HYCC2: variants seen among roughly 807,000 people sequenced by gnomAD.
HYCC2 encodes the protein hyccin 2.
At chr2:201,038,034 A>C in the HYCC2 span, among the ~76,000 whole-genome samples, 1 of 152,232 alleles carries the variant, frequency 6.6e-6, no homozygotes, top group African/African-American at 2.4e-5. Context: ...ATGAACTCAA[A>C]CAAATTTACA....
the HYCC2 span, among the ~76,000 whole-genome samples, chr2:200,999,734 T>G: frequency 6.7e-6 from 1 of 148,520 alleles, no homozygotes; most frequent in East Asian, 2.1e-4. Flanking sequence ...TTGCCAGACA[T>G]CTAAGGAACT....
chr2:201,030,665 G>A, the HYCC2 span, among the ~76,000 whole-genome samples: 2 of 149,208 alleles, frequency 1.3e-5, no homozygotes, highest in Middle Eastern at 3.4e-3. Context: ...TGCAACCTCC[G>A]CCTCCTGGGT....
chr2:201,068,525 A>G, the HYCC2 span, among the ~76,000 whole-genome samples: 2 of 151,678 alleles, frequency 1.3e-5, no homozygotes, highest in Admixed American at 1.3e-4. Flanking sequence ...AAATACATCT[A>G]CCCCCTTCAC....
chr2:201,003,015 TAATA>T, the HYCC2 span, among the ~76,000 whole-genome samples: 1 of 152,302 alleles, frequency 6.6e-6, no homozygotes, highest in Admixed American at 6.5e-5. Flanking sequence ...TAAAATGGAA[TAATA>T]ACTCATCATT....
chr2:201,004,050 A>T, the HYCC2 span, among the ~76,000 whole-genome samples: 1 of 152,016 alleles, frequency 6.6e-6, no homozygotes, highest in African/African-American at 2.4e-5. Flanking sequence ...TCCTGACCTC[A>T]GGTGATCCAC....
the HYCC2 span, among the ~76,000 whole-genome samples, chr2:201,062,315 T>A: frequency 6.6e-6 from 1 of 151,746 alleles, no homozygotes; most frequent in African/African-American, 2.4e-5. Flanking sequence ...GGTCAGGAAT[T>A]CAAGACCAGC....
chr2:201,022,660 T>C, the HYCC2 span: 11 of 440,320 alleles, frequency 2.5e-5, no homozygotes, highest in South Asian at 4.9e-4. Context: ...CATTTCAAAA[T>C]ATGGAAAGGC....
the HYCC2 span, among the ~76,000 whole-genome samples, chr2:201,025,928 G>C: frequency 7.3e-3 from 1,113 of 152,148 alleles, 45 homozygotes; most frequent in Admixed American, 0.062. Context: ...AGCTGGGTGC[G>C]CTAATATCAT....
chr2:201,046,449 A>G, the HYCC2 span, among the ~76,000 whole-genome samples: 2 of 152,122 alleles, frequency 1.3e-5, no homozygotes, highest in Admixed American at 1.3e-4. Context: ...GAAAAGGGCT[A>G]AGGGAGTATC....
At chr2:200,992,401 CA>C in the HYCC2 span, 1 of 1,348,878 alleles carries the variant, frequency 7.4e-7, no homozygotes, top group South Asian at 1.2e-5. Flanking sequence ...TACTCTTGAG[CA>C]AATATCTAAT....
chr2:201,021,004 T>A, the HYCC2 span, among the ~76,000 whole-genome samples: 14,009 of 152,088 alleles, frequency 0.092, 892 homozygotes, highest in Non-Finnish European at 0.14. Context: ...CTTGACCTCA[T>A]GATCCACTCC....
the HYCC2 span, chr2:200,974,881 G>A: frequency 6.6e-6 from 1 of 151,684 alleles, no homozygotes; most frequent in Admixed American, 6.6e-5. Context: ...GAATGATCAT[G>A]GACATAAATT....
chr2:200,979,264 TAC>T, the HYCC2 span: 34,253 of 143,678 alleles, frequency 0.24, 3,850 homozygotes, highest in East Asian at 0.33. Flanking sequence ...ATACACACCA[TAC>T]ACACACACAC....
At chr2:200,980,933 C>G in the HYCC2 span, 1 of 287,860 alleles carries the variant, frequency 3.5e-6, no homozygotes, top group East Asian at 7.3e-5. Context: ...ACACCATTTC[C>G]TCTAATGTAC....
At chr2:200,988,187 G>A in the HYCC2 span, 16 of 1,329,962 alleles carry the variant, frequency 1.2e-5, no homozygotes, top group East Asian at 7.2e-5. Flanking sequence ...TTAATATCAC[G>A]TGCTAAGACA....
At chr2:200,997,829 A>T in the HYCC2 span, among the ~76,000 whole-genome samples, 1 of 152,218 alleles carries the variant, frequency 6.6e-6, no homozygotes, top group East Asian at 1.9e-4. Context: ...CAAGGTCAGA[A>T]GATCGAGACC....
At chr2:201,022,047 G>A in the HYCC2 span, 15 of 1,287,076 alleles carry the variant, frequency 1.2e-5, no homozygotes, top group South Asian at 1.2e-4. Flanking sequence ...CTGCTGGTTA[G>A]GAGAGGATTA....
the HYCC2 span, chr2:200,981,458 T>C: frequency 1.2e-6 from 2 of 1,614,194 alleles, no homozygotes; most frequent in Non-Finnish European, 1.7e-6. This position sits in a 1 kb window ranked among gnomAD's most constrained non-coding sequence, Gnocchi z 4.5. Flanking sequence ...CCAACCCCAA[T>C]GCTGGTACTT....
At chr2:201,033,328 C>T in the HYCC2 span, among the ~76,000 whole-genome samples, 1 of 151,874 alleles carries the variant, frequency 6.6e-6, no homozygotes, top group African/African-American at 2.4e-5. Flanking sequence ...CCTCAGCCCC[C>T]TAAGTAGCTG....
Sources: allele counts gnomAD v4.1 joint callset (sites outside exome capture counted in the v4.1 genomes callset), GRCh38; gene constraint gnomAD v4.1.1; non-coding constraint Gnocchi (gnomAD v3.1); transcripts MANE v1.5; gene names NCBI Gene and HGNC (gene_info 2026-07-23, HGNC 2026-07-21).